Variants in PDE10A observed in about 807,000 individuals in gnomAD.
PDE10A encodes the protein cAMP and cAMP-inhibited cGMP 3',5'-cyclic phosphodiesterase 10A.
A neutral mutation model predicts 97.7 loss-of-function variants in PDE10A; 39 were observed. The ratio of observed to expected loss-of-function variants is 0.40; its 90% CI spans 0.31 to 0.52. The LOEUF (loss-of-function observed/expected upper bound fraction) is 0.52, where lower values mean the gene tolerates loss of function less well. Among genes scored for constraint, PDE10A ranks in the 20% least tolerant of loss-of-function variants. The probability of loss-of-function intolerance (pLI) is 0.56; values close to 1 mark genes in which losing one functional copy is unlikely to be tolerated. For synonymous variants in PDE10A, 371 were observed against 376.8 expected, an observed-to-expected ratio of 0.98 and a Z score of 0.18; for missense variants, 731 against 1,047.8, an observed-to-expected ratio of 0.70 and a Z score of 4.17.
intron 1 of PDE10A, among the ~76,000 whole-genome samples, chr6:165,680,939 A>G (rs776267154): frequency 6.6e-6 from 1 of 152,134 alleles, no homozygotes; most frequent in African/African-American, 2.4e-5. Flanking sequence ...TACTTCCCTT[A>G]TATGTTTTAG....
chr6:165,895,707 TC>T (rs1781923997), intron 1 of PDE10A, among the ~76,000 whole-genome samples: 3 of 152,158 alleles, frequency 2.0e-5, no homozygotes. Context: ...CACCCCTAGT[TC>T]CTGCTCTCAT....
At chr6:165,643,528 T>TA (rs1162573454) in intron 1 of PDE10A, among the ~76,000 whole-genome samples, 1 of 152,170 alleles carries the variant, frequency 6.6e-6, no homozygotes, top group African/African-American at 2.4e-5. Flanking sequence ...GAAAGGGCTA[T>TA]CCCTTTCTTC....
chr6:165,339,194 A>T, intron 20 of PDE10A, 84 bp downstream of exon 20: 1 of 820,032 alleles, frequency 1.2e-6, no homozygotes, highest in South Asian at 1.3e-5. Context: ...ATATATGATG[A>T]CATGCTTTCC....
At position 165,662,023 on chromosome 6, in the gene PDE10A, GA is replaced by G; in HGVS notation, c.788del (p.Phe263SerfsTer19). On this transcript the variant is annotated frameshift_variant, in exon 1 of 22. Transcript: ENST00000539869. LOFTEE classifies it high-confidence loss of function. Reference sequence around the variant, plus strand: ...AAGGTCCATCTTCCATGTCGGAGCCGAAGAGCAGCGCGGCCGCGGCGGCGAG... The same window carrying G: ...AAGGTCCATCTTCCATGTCGGAGCCGAGAGCAGCGCGGCCGCGGCGGCGAG... Reference protein sequence around the residue: ...FALAAAAALLFGSDMEDGPSN... With the variant: ...FALAAAAALLXGSDMEDGPSN... 1 of 1,503,026 alleles carries G rather than the reference GA, an allele frequency of 6.7e-7. No individual in the cohort carries two copies. The highest frequency in any genetic ancestry group is 2.7e-5 in the East Asian group (1 of 36,620). The allele number at this position is 1,503,026 out of a possible 1,614,324, so 93.1% of individuals were successfully genotyped here. A position where few individuals can be genotyped will look rare whatever the true frequency, so the allele number is the denominator to read the frequency against.
intron 1 of PDE10A, among the ~76,000 whole-genome samples, chr6:165,758,500 A>G (rs1215678036): frequency 1.3e-5 from 1 of 77,818 alleles, no homozygotes; most frequent in African/African-American, 2.8e-5. Flanking sequence ...AAGAAGAAAG[A>G]AGAAAGAAGA....
At chr6:165,898,687 C>A (rs963799218) in intron 1 of PDE10A, among the ~76,000 whole-genome samples, 51 of 152,108 alleles carry the variant, frequency 3.4e-4, no homozygotes, top group Non-Finnish European at 1.0e-4. Flanking sequence ...AACCTCCCCA[C>A]CCCTAAACAC....
At chr6:165,433,586 A>G (rs927825916) in intron 6 of PDE10A, among the ~76,000 whole-genome samples, 1 of 152,212 alleles carries the variant, frequency 6.6e-6, no homozygotes, top group Non-Finnish European at 1.5e-5. Flanking sequence ...GTGTACGTTA[A>G]TAACAGTCAT....
chr6:165,772,544 A>G (rs1295005366), intron 1 of PDE10A, among the ~76,000 whole-genome samples: 1 of 152,162 alleles, frequency 6.6e-6, no homozygotes, highest in Admixed American at 6.5e-5. Context: ...ATCAGCTTCC[A>G]GGGCCAGTTG....
In PDE10A at chr6:165,827,277, G is replaced by A. The variant is rs374675433; in HGVS notation, c.-615+160252C>T. Reference sequence around the variant, plus strand: ...CCCTCCAGACCCCACGCCCATTCGCGGCTGCCCGCTGGGGAGGTGCAGGGG... The same window carrying A: ...CCCTCCAGACCCCACGCCCATTCGCAGCTGCCCGCTGGGGAGGTGCAGGGG... On this transcript the variant is annotated intron_variant, in intron 1 of 19. Transcript: ENST00000366882. 1.4e-4 allele frequency among the ~76,000 whole-genome samples: 22 copies of A among 152,324 alleles called. No homozygotes were observed. The East Asian group carries it at 2.7e-3, about 19-fold the overall frequency.
chr6:165,855,562 C>T (rs529752278), intron 1 of PDE10A, among the ~76,000 whole-genome samples: 1 of 150,136 alleles, frequency 6.7e-6, no homozygotes, highest in South Asian at 2.1e-4. Context: ...ACAGTTCCAC[C>T]CAAGGTTAAC....
In PDE10A at chr6:165,671,525, A is replaced by G. The variant is rs933342474; in HGVS notation, c.-614-127957T>C. ...GCCACCTTCCCGTTGGCTGCTGTGT[A>G]TATCTCTCCATGACTGTGTTCAGCA... On this transcript the variant is annotated intron_variant, in intron 1 of 19. Transcript: ENST00000366882. The surrounding 1 kb of genome is among the most constrained non-coding windows in gnomAD (Gnocchi z 4.6). Among the ~76,000 whole-genome samples, 1 of 152,166 alleles carries G rather than the reference A, an allele frequency of 6.6e-6. No individual in the cohort carries two copies. The highest frequency in any genetic ancestry group is 6.5e-5 in the Admixed American group (1 of 15,276).
chr6:165,465,593 A>G (rs770213934), intron 3 of PDE10A, among the ~76,000 whole-genome samples: 3 of 152,244 alleles, frequency 2.0e-5, no homozygotes, highest in Non-Finnish European at 2.9e-5. Context: ...GTTGACTTAT[A>G]GTTCCACATG....
At chr6:165,939,596 AAT>A (rs1159034937) in intron 1 of PDE10A, 7 of 152,272 alleles carry the variant, frequency 4.6e-5, no homozygotes, top group Non-Finnish European at 8.8e-5. Flanking sequence ...GCTTTAAATG[AAT>A]ATGACTTGGG....
At chr6:165,558,559 T>TTTTTC (rs1717540573) in intron 1 of PDE10A, among the ~76,000 whole-genome samples, 1 of 152,194 alleles carries the variant, frequency 6.6e-6, no homozygotes, top group African/African-American at 2.4e-5. Flanking sequence ...GCTGTCATAT[T>TTTTTC]TTTTCTTTCT....
chr6:165,486,351 T>C (rs974464994), intron 2 of PDE10A, among the ~76,000 whole-genome samples: 3 of 152,234 alleles, frequency 2.0e-5, no homozygotes, highest in African/African-American at 7.2e-5. Flanking sequence ...ACAGAGCAGC[T>C]GCCACGACTG....
chr6:165,735,292 A>T (rs1036954579), intron 1 of PDE10A, among the ~76,000 whole-genome samples: 24 of 150,216 alleles, frequency 1.6e-4, no homozygotes, highest in Admixed American at 9.9e-4. Flanking sequence ...GTAGGTAAGT[A>T]GGTAGGTTGG....
At chr6:165,660,671 G>C (rs1318996143) in intron 1 of PDE10A, 1 of 152,726 alleles carries the variant, frequency 6.5e-6, no homozygotes, top group Non-Finnish European at 1.5e-5. Context: ...ACCCGGGTCG[G>C]CCAAAGCCTG....
At chr6:165,810,832 T>A (rs1779262712) in intron 1 of PDE10A, among the ~76,000 whole-genome samples, 2 of 152,188 alleles carry the variant, frequency 1.3e-5, no homozygotes, top group Admixed American at 6.6e-5. Context: ...TTGGTCTTTC[T>A]GCTCAAGTCT....
At chr6:165,612,266 C>G (rs1225362971) in intron 1 of PDE10A, among the ~76,000 whole-genome samples, 1 of 152,170 alleles carries the variant, frequency 6.6e-6, no homozygotes, top group African/African-American at 2.4e-5. Context: ...CTTTCATTCC[C>G]TTCCCCAACC....
Sources: gnomAD v4.1 joint callset for allele counts (sites outside exome capture counted in the v4.1 genomes callset) on GRCh38, gnomAD v4.1.1 for gene constraint, Gnocchi (gnomAD v3.1) non-coding constraint, MANE v1.5 for transcripts, NCBI Gene and HGNC (gene_info 2026-07-23, HGNC 2026-07-21) for gene names.